Variants in PEAK1 observed in about 807,000 individuals in gnomAD.
PEAK1 encodes the protein inactive tyrosine-protein kinase PEAK1.
In PEAK1, 54 loss-of-function variants were observed where a neutral mutation model predicts 124.7. The ratio of observed to expected loss-of-function variants is 0.43; its 90% CI spans 0.35 to 0.54. PEAK1 has a LOEUF of 0.54. Among genes scored for constraint, PEAK1 ranks in the 20% least tolerant of loss-of-function variants. The probability of loss-of-function intolerance (pLI) is 0.01; values close to 1 mark genes in which losing one functional copy is unlikely to be tolerated. For synonymous variants in PEAK1, 719 were observed against 760.0 expected (o/e 0.95, Z 0.89); for missense variants, 2,046 against 2,134.5 (o/e 0.96, Z 0.82).
At chr15:77,115,403 T>C (rs2051274813) in intron 9 of PEAK1, 84 bp from the exon 10 acceptor site, 3 of 1,275,232 alleles carry the variant, frequency 2.4e-6, no homozygotes, top group Non-Finnish European at 3.3e-6. Flanking sequence ...GGAAGGTGAC[T>C]GGTTAGGGAC....
intron 2 of PEAK1, among the ~76,000 whole-genome samples, chr15:77,299,249 C>A (rs1019174317): frequency 6.6e-6 from 1 of 152,052 alleles, no homozygotes; most frequent in Admixed American, 6.6e-5. Flanking sequence ...ATGAATGTCT[C>A]CTCTTATCCA....
chr15:77,318,721 C>T (rs1232991526), intron 2 of PEAK1, among the ~76,000 whole-genome samples: 1 of 151,772 alleles, frequency 6.6e-6, no homozygotes, highest in African/African-American at 2.4e-5. Flanking sequence ...AATACCTATT[C>T]TAATTCTCCT....
In PEAK1 at chr15:77,133,250, G is replaced by A; in HGVS notation, c.3832C>T (p.Arg1278Ter). The A allele has an allele frequency of 1.2e-6, 2 of 1,614,222 alleles. No individual in the cohort carries two copies. The highest frequency in any genetic ancestry group is 1.7e-6 in the Non-Finnish European group (2 of 1,180,036). ...ACTTCCTCCCGATTCTCAAGTCCTC[G>A]ATAAAGTGCTTGTCTCTGCGGCTTC... ...IQKPQRQALY[R>*]GLENREEVVG... The change falls in exon 9 of 10, where the codon CGA becomes TGA. Residue 1278 changes from arginine (R) to a stop codon, truncating the protein, a stop_gained. Transcript: ENST00000682557. LOFTEE classifies it high-confidence loss of function. This position sits in a 1 kb window ranked among gnomAD's most constrained non-coding sequence, Gnocchi z 4.2.
intron 6 of PEAK1, among the ~76,000 whole-genome samples, chr15:77,202,545 T>A (rs566945565): frequency 6.6e-6 from 1 of 150,494 alleles, no homozygotes; most frequent in African/African-American, 2.4e-5. Context: ...GGTGGGCGGA[T>A]CACGAGGTCA....
At chr15:77,388,515 A>G (rs2070155437) in intron 1 of PEAK1, among the ~76,000 whole-genome samples, 1 of 152,210 alleles carries the variant, frequency 6.6e-6, no homozygotes, top group Non-Finnish European at 1.5e-5. Context: ...AGAAAAATAT[A>G]ATTTAATACT....
intron 6 of PEAK1, among the ~76,000 whole-genome samples, chr15:77,251,200 A>C (rs1297218307): frequency 2.6e-5 from 4 of 152,244 alleles, no homozygotes; most frequent in Admixed American, 2.6e-4. Flanking sequence ...GAAATATTTG[A>C]ATCTTTACAA....
At chr15:77,212,458 AG>A (rs2058948338) in intron 6 of PEAK1, among the ~76,000 whole-genome samples, 1 of 152,210 alleles carries the variant, frequency 6.6e-6, no homozygotes, top group African/African-American at 2.4e-5. Context: ...TTCGGAAAAA[AG>A]GTAAGTCAGT....
At chr15:77,350,361 T>C (rs2067133576) in intron 2 of PEAK1, 3 of 985,274 alleles carry the variant, frequency 3.0e-6, no homozygotes, top group African/African-American at 1.7e-5. Flanking sequence ...ATTAACTACT[T>C]AGCTCAGTTC....
chr15:77,379,561 T>C (rs1399791283), intron 1 of PEAK1, among the ~76,000 whole-genome samples: 1 of 152,048 alleles, frequency 6.6e-6, no homozygotes, highest in Non-Finnish European at 1.5e-5. Context: ...GTTCCCGAAA[T>C]CCAATATATA....
At chr15:77,149,540 G>A (rs1404828327) in intron 8 of PEAK1, among the ~76,000 whole-genome samples, 2 of 152,096 alleles carry the variant, frequency 1.3e-5, no homozygotes, top group East Asian at 1.9e-4. Context: ...CTTGTTGAAC[G>A]TATTAAAAAA....
At chr15:77,235,484 TTTGAAC>T in intron 6 of PEAK1, among the ~76,000 whole-genome samples, 1 of 152,124 alleles carries the variant, frequency 6.6e-6, no homozygotes, top group Non-Finnish European at 1.5e-5. Flanking sequence ...TCTGTGGAAC[TTTGAAC>T]TTGAGAGAGA....
intron 5 of PEAK1, among the ~76,000 whole-genome samples, chr15:77,266,269 A>G (rs542841261): frequency 6.6e-6 from 1 of 152,214 alleles, no homozygotes; most frequent in South Asian, 2.1e-4. Flanking sequence ...AAAAAATAAA[A>G]ATAAAATACA....
rs76848462 is a variant in PEAK1 at position 77,388,601 on chromosome 15, C to T, written c.-665-23376G>A. Among the ~76,000 whole-genome samples the T allele has an allele frequency of 1.0e-3, 153 of 152,296 alleles. 2 individuals carry two copies. In the East Asian group the frequency reaches 0.027, roughly 26 times the overall value. On this transcript the variant is annotated intron_variant, in intron 1 of 9. Transcript: ENST00000682557. ...CTCTCCGTGTATCAAACAATACATG[C>T]AATTTGCCTTCTCTGAACCATATCT...
rs917379515 is a variant in PEAK1, at chr15:77,180,775, C to G, written c.1152G>C (p.Glu384Asp). ...TACTAGAGGGACTTTCATAATTGGG[C>G]TCAATTTCCTTCATGTCCTTAGAAT... ...PGDSKDMKEI[E>D]PNYESPSSNN... is the part of the protein sequence containing the mutation. Residue 384 changes from glutamate (E) to aspartate (D), a missense_variant, in exon 7 of 10, where the codon GAG (glutamate) becomes GAC (aspartate). Transcript: ENST00000682557. The G allele has an allele frequency of 6.8e-6, 11 of 1,613,866 alleles. No individual in the cohort carries two copies. Among genetic ancestry groups the G allele is most frequent in the Non-Finnish European group, 9.3e-6 (11 of 1,179,974 alleles).
chr15:77,284,801 G>C (rs1421819791), intron 4 of PEAK1, among the ~76,000 whole-genome samples, 157 bp downstream of exon 4: 1 of 151,870 alleles, frequency 6.6e-6, no homozygotes, highest in Non-Finnish European at 1.5e-5. Context: ...TGTAATCCCA[G>C]TACTTTGGGA....
chr15:77,130,492 G>A (rs1370811398), intron 9 of PEAK1, among the ~76,000 whole-genome samples: 5 of 152,214 alleles, frequency 3.3e-5, no homozygotes, highest in Non-Finnish European at 7.3e-5. Context: ...TGTAGATACT[G>A]TAACTGCAGA....
chr15:77,365,741 TAAAAAAAAA>T (rs71145816), intron 1 of PEAK1, among the ~76,000 whole-genome samples: 1 of 80,832 alleles, frequency 1.2e-5, no homozygotes, highest in Non-Finnish European at 2.3e-5. Flanking sequence ...CTCCATCTCA[TAAAAAAAAA>T]AAAAAAAAAA....
At chr15:77,311,656 C>T (rs1293016771) in intron 2 of PEAK1, among the ~76,000 whole-genome samples, 1 of 127,414 alleles carries the variant, frequency 7.8e-6, no homozygotes, top group Admixed American at 9.6e-5. Context: ...CTGGGAAACA[C>T]AGCGAGATTC....
intron 9 of PEAK1, among the ~76,000 whole-genome samples, chr15:77,131,335 A>C (rs1042501675): frequency 6.0e-5 from 9 of 150,290 alleles, no homozygotes; most frequent in African/African-American, 2.2e-4. Flanking sequence ...TCTACTAAAA[A>C]TACAAAAATT....
Sources: allele counts gnomAD v4.1 joint callset (sites outside exome capture counted in the v4.1 genomes callset), GRCh38; gene constraint gnomAD v4.1.1; non-coding constraint Gnocchi (gnomAD v3.1); transcripts MANE v1.5; gene names NCBI Gene and HGNC (gene_info 2026-07-23, HGNC 2026-07-21).